Variants in LNPEP observed in about 807,000 individuals in gnomAD.
The protein encoded by LNPEP is leucyl and cystinyl aminopeptidase.
LNPEP carries 64 observed loss-of-function variants against 120.6 expected under a neutral mutation model. The ratio of observed to expected loss-of-function variants is 0.53; its 90% CI spans 0.43 to 0.65. LNPEP has a LOEUF of 0.65. Ranked by LOEUF, LNPEP falls within the 30% of genes least tolerant of loss-of-function variation. LNPEP has a pLI of 0.00. For missense variants in LNPEP, 1,057 were observed against 1,200.0 expected, an observed-to-expected ratio of 0.88 and a Z score of 1.76; for synonymous variants, 435 against 425.4, an observed-to-expected ratio of 1.02 and a Z score of -0.28.
At chr5:96,954,764 ATATATATATT>A (rs1789413834) in intron 1 of LNPEP, among the ~76,000 whole-genome samples, 1 of 44,538 alleles carries the variant, frequency 2.2e-5, no homozygotes, top group Non-Finnish European at 4.8e-5. Context: ...ATATATATAT[ATATATATATT>A]TTTTTTTTTT....
chr5:97,014,638 A>G lies in LNPEP; in HGVS notation c.2220-301A>G, dbSNP rs560130016. Among the ~76,000 whole-genome samples the G allele has an allele frequency of 8.6e-4, 131 of 152,288 alleles. 1 individual carries two copies. The highest frequency in any genetic ancestry group is 1.6e-3 in the Non-Finnish European group (106 of 68,006). ...CTAATTAATAAATAAAATTAGTACTATTCATCTTTTCTAACCCAAGATATT... is the reference window on the plus strand; with the variant it reads ...CTAATTAATAAATAAAATTAGTACTGTTCATCTTTTCTAACCCAAGATATT... On this transcript the variant is annotated intron_variant, in intron 12 of 17. Coordinates refer to ENST00000231368, the MANE Select transcript of LNPEP (RefSeq NM_005575.3).
chr5:97,009,313 C>T (rs1488380784), intron 11 of LNPEP, among the ~76,000 whole-genome samples: 1 of 152,210 alleles, frequency 6.6e-6, no homozygotes, highest in East Asian at 1.9e-4. Context: ...CTTCTCCACT[C>T]ATAATATACT....
At chr5:96,970,435 A>G (rs1010201277) in intron 1 of LNPEP, among the ~76,000 whole-genome samples, 12 of 152,168 alleles carry the variant, frequency 7.9e-5, no homozygotes, top group African/African-American at 2.9e-4. Context: ...TTTAAAATGC[A>G]TCTCTTACAG....
chr5:97,023,542 C>T (rs1791265970), intron 14 of LNPEP, among the ~76,000 whole-genome samples: 1 of 152,178 alleles, frequency 6.6e-6, no homozygotes, highest in Non-Finnish European at 1.5e-5. Context: ...GCATGAGCCA[C>T]CATACCTGGC....
intron 9 of LNPEP, 28 bp from the exon 10 acceptor site, chr5:97,006,043 GTT>G: frequency 1.2e-5 from 9 of 737,778 alleles, no homozygotes; most frequent in Non-Finnish European, 1.4e-5. Context: ...TAAGGAAAAA[GTT>G]TTATATATAT....
chr5:96,985,152 T>G lies in LNPEP; in HGVS notation c.933T>G (p.Phe311Leu), dbSNP rs1474874772. ...TTCCTTGTTTTGATGAACCAGCATT[T>G]AAAGCCACTTTTATCATCAAGATCA... is the stretch of plus-strand genomic sequence containing the variant. ...SAFPCFDEPAFKATFIIKIIR... is the reference protein window; with the variant it reads ...SAFPCFDEPALKATFIIKIIR... The change falls in exon 3 of 18, where the codon TTT becomes TTG. Residue 311 changes from phenylalanine to leucine, a missense_variant. Coordinates refer to ENST00000231368, the MANE Select transcript of LNPEP (RefSeq NM_005575.3). 1 of 1,613,980 alleles carries G rather than the reference T, an allele frequency of 6.2e-7. No individual in the cohort carries two copies. Among genetic ancestry groups the G allele is most frequent in the Admixed American group, 1.7e-5 (1 of 60,004 alleles).
chr5:96,978,468 A>C (rs573788207), intron 1 of LNPEP, among the ~76,000 whole-genome samples: 1 of 152,296 alleles, frequency 6.6e-6, no homozygotes. Context: ...TGCTTATGGA[A>C]ATTTCCCATA....
chr5:96,979,044 G>A, intron 1 of LNPEP, 94 bp from the exon 2 acceptor site: 1 of 1,419,644 alleles, frequency 7.0e-7, no homozygotes, highest in Non-Finnish European at 9.4e-7. Context: ...AAAATTCTTA[G>A]TTTAAATGTG....
intron 1 of LNPEP, among the ~76,000 whole-genome samples, chr5:96,972,942 C>A (rs1486820322): frequency 6.6e-6 from 1 of 151,982 alleles, no homozygotes; most frequent in East Asian, 1.9e-4. Context: ...AATGTCATGA[C>A]CTTGGGCCTC....
intron 6 of LNPEP, among the ~76,000 whole-genome samples, chr5:96,994,191 C>T (rs1039587262): frequency 2.0e-5 from 3 of 152,110 alleles, no homozygotes; most frequent in Non-Finnish European, 4.4e-5. Context: ...TCTTACTTCG[C>T]AACTTCTCTA....
chr5:97,017,019 T>C (rs1791084271), intron 13 of LNPEP, among the ~76,000 whole-genome samples: 1 of 152,182 alleles, frequency 6.6e-6, no homozygotes, highest in African/African-American at 2.4e-5. Context: ...GAAATGGGAT[T>C]ATTGAGTCAT....
chr5:96,956,464 G>A (rs911135231), intron 1 of LNPEP, among the ~76,000 whole-genome samples: 4 of 152,192 alleles, frequency 2.6e-5, no homozygotes, highest in Non-Finnish European at 5.9e-5. Flanking sequence ...GTTGCAGTGA[G>A]CAGAAATTAT....
chr5:96,988,637 G>T (rs1048121436), intron 4 of LNPEP, among the ~76,000 whole-genome samples: 1 of 151,660 alleles, frequency 6.6e-6, no homozygotes, highest in Non-Finnish European at 1.5e-5. Flanking sequence ...TAGTGACAGG[G>T]TCTCACTCTG....
intron 9 of LNPEP, among the ~76,000 whole-genome samples, 159 bp downstream of exon 9, chr5:97,003,705 G>A (rs1259668529): frequency 6.6e-6 from 1 of 151,812 alleles, no homozygotes; most frequent in Admixed American, 6.6e-5. Context: ...TATGAATGGA[G>A]CACTAAATTT....
chr5:97,020,695 G>A (rs574186034), intron 13 of LNPEP, among the ~76,000 whole-genome samples: 2 of 152,154 alleles, frequency 1.3e-5, no homozygotes, highest in South Asian at 2.1e-4. Context: ...CCAGCTACTC[G>A]GGAGGCTGAA....
In LNPEP at chr5:97,028,611, A is replaced by G; in HGVS notation, c.*78A>G. The stretch of plus-strand genomic sequence containing the variant: ...GGCTCTGCCGCTTTTGCAAAAGCCA[A>G]GGTAAAGCCAGGATCGCTGCCAAGT... On this transcript the variant is annotated 3_prime_UTR_variant, in exon 18 of 18. Coordinates refer to ENST00000231368, the MANE Select transcript of LNPEP (RefSeq NM_005575.3). 2.0e-6 allele frequency: 3 copies of G among 1,482,302 alleles called. No homozygotes were observed. The highest frequency in any genetic ancestry group is 2.3e-5 in the East Asian group (1 of 43,726). The allele number at this position is 1,482,302 out of a possible 1,614,324, so 91.8% of individuals were successfully genotyped here.
chr5:97,027,671 C>T (rs1044874718), intron 16 of LNPEP, 62 bp from the exon 17 acceptor site: 3 of 1,070,184 alleles, frequency 2.8e-6, no homozygotes, highest in Non-Finnish European at 4.3e-6. Flanking sequence ...TCCTTGCACT[C>T]AGGAACAACG....
At chr5:96,989,291 T>A (rs1157187005) in intron 4 of LNPEP, among the ~76,000 whole-genome samples, 145 of 106,478 alleles carry the variant, frequency 1.4e-3, no homozygotes, top group African/African-American at 4.9e-3. Flanking sequence ...TAATATATAA[T>A]TTATATATAA....
At chr5:97,010,557 A>G in intron 11 of LNPEP, 1 of 985,168 alleles carries the variant, frequency 1.0e-6, no homozygotes, top group East Asian at 1.1e-4. Context: ...AAATTTTGTA[A>G]CTTTGTAGTA....
Sources: allele counts gnomAD v4.1 joint callset (sites outside exome capture counted in the v4.1 genomes callset), GRCh38; gene constraint gnomAD v4.1.1; transcripts MANE v1.5; gene names NCBI Gene and HGNC (gene_info 2026-07-23, HGNC 2026-07-21).